The following XYLT2 variants were observed in gnomAD, a reference collection of about 807,000 sequenced individuals.
XYLT2 encodes xylosyltransferase 2.
XYLT2 carries 37 observed loss-of-function variants against 82.6 expected under a neutral mutation model. The ratio of observed to expected loss-of-function variants is 0.45; its 90% CI spans 0.34 to 0.59. XYLT2 has a LOEUF of 0.59. XYLT2 is among the 20% of genes least tolerant of loss of function. The pLI, the probability that XYLT2 is intolerant of heterozygous loss-of-function variation, is 0.01. For missense variants in XYLT2, 934 were observed against 1,181.3 expected, an observed-to-expected ratio of 0.79 and a Z score of 3.07; for synonymous variants, 474 against 499.0, an observed-to-expected ratio of 0.95 and a Z score of 0.67.
Position 50,354,897 on chromosome 17 carries a change from G to A in XYLT2, c.848G>A (p.Gly283Asp), listed in dbSNP as rs752293943. Residue 283 changes from glycine (G) to aspartate (D), a missense_variant, in exon 4 of 11, where the codon GGC (glycine) becomes GAC (aspartate). Coordinates refer to ENST00000017003, the MANE Select transcript of XYLT2 (RefSeq NM_022167.4). ...LHREVVELAQGYDNVRVTPWR... is the reference protein window; with the variant it reads ...LHREVVELAQDYDNVRVTPWR... ...CGGGAGGTGGTGGAGCTGGCCCAGG[G>A]CTATGATAACGTGCGGGTGACGCCC... 5 of 1,612,062 alleles carry A rather than the reference G, an allele frequency of 3.1e-6. No homozygotes were observed. The highest frequency in any genetic ancestry group is 1.7e-6 in the Non-Finnish European group (2 of 1,179,122).
chr17:50,346,913 A>G lies in XYLT2; in HGVS notation c.135+638A>G. 1.0e-6 allele frequency: 1 copy of G among 985,348 alleles called. No homozygotes were observed. Among genetic ancestry groups the G allele is most frequent in the Non-Finnish European group, 1.2e-6 (1 of 829,888 alleles). The allele number at this position is 985,348 out of a possible 1,614,324, so 61.0% of individuals were successfully genotyped here. A position where few individuals can be genotyped will look rare whatever the true frequency, so the allele number is the denominator to read the frequency against. ...GAACCTGGATGGGTCTCCGGAGGGC[A>G]GGGAGAGGAGGAACTGAGCTGGTGA... is the stretch of plus-strand genomic sequence containing the variant. On this transcript the variant is annotated intron_variant, in intron 1 of 10. Coordinates refer to ENST00000017003, the MANE Select transcript of XYLT2 (RefSeq NM_022167.4). This position sits in a 1 kb window ranked among gnomAD's most constrained non-coding sequence, Gnocchi z 5.1.
chr17:50,351,293 G>A (rs141631675), intron 1 of XYLT2, among the ~76,000 whole-genome samples: 3 of 152,266 alleles, frequency 2.0e-5, no homozygotes, highest in East Asian at 1.9e-4. Context: ...AGGTGGCCCC[G>A]ATGGGATTTA....
chr17:50,360,504 G>T lies in XYLT2; in HGVS notation c.*213G>T. ...CAGAGGGCTGGCGGGAACGCGAGAA[G>T]GGCACCAGCAGCATTCCACACCCAG... On this transcript the variant is annotated 3_prime_UTR_variant, in exon 11 of 11. Transcript: ENST00000017003. 1 of 1,285,446 alleles carries T rather than the reference G, an allele frequency of 7.8e-7. No individual in the cohort carries two copies. Among genetic ancestry groups the T allele is most frequent in the South Asian group, 2.8e-5 (1 of 35,282 alleles). The allele number at this position is 1,285,446 out of a possible 1,614,324, so 79.6% of individuals were successfully genotyped here. A position where few individuals can be genotyped will look rare whatever the true frequency, so the allele number is the denominator to read the frequency against.
chr17:50,355,604 C>A lies in XYLT2; in HGVS notation c.1088+23C>A, dbSNP rs746287931. On this transcript the variant is annotated intron_variant, in intron 5 of 10. Transcript: ENST00000017003. ...CAGGTGAGGGGGTGGGGAAGGAGGC[C>A]CTGGCCCCAGAGTCTTGTCCCAACC... is the stretch of plus-strand genomic sequence containing the variant. 9 of 1,613,572 alleles carry A rather than the reference C, an allele frequency of 5.6e-6. No individual in the cohort carries two copies. The South Asian group carries it at 9.9e-5, about 18-fold the overall frequency.
At chr17:50,352,253 T>C (rs951016531) in intron 1 of XYLT2, among the ~76,000 whole-genome samples, 3 of 152,094 alleles carry the variant, frequency 2.0e-5, no homozygotes, top group African/African-American at 7.2e-5. Flanking sequence ...TCAGAGAAGT[T>C]AGGGAACTGC....
At position 50,346,372 on chromosome 17, in the gene XYLT2, G is replaced by A; in HGVS notation, c.135+97G>A. On this transcript the variant is annotated intron_variant, in intron 1 of 10. Coordinates refer to ENST00000017003, the MANE Select transcript of XYLT2 (RefSeq NM_022167.4). This position sits in a 1 kb window ranked among gnomAD's most constrained non-coding sequence, Gnocchi z 5.1. ...GCCCCAGCCGGGGAAGTGGGGCACG[G>A]GCCGCGTGCGTGCGTGCGGGGCGCC... is the stretch of plus-strand genomic sequence containing the variant. The A allele has an allele frequency of 1.0e-6, 1 of 984,770 alleles. No individual in the cohort carries two copies. Among genetic ancestry groups the A allele is most frequent in the Non-Finnish European group, 1.2e-6 (1 of 828,746 alleles). The allele number at this position is 984,770 out of a possible 1,614,324, so 61.0% of individuals were successfully genotyped here. A position where few individuals can be genotyped will look rare whatever the true frequency, so the allele number is the denominator to read the frequency against.
At chr17:50,349,577 T>A (rs1912170164) in intron 1 of XYLT2, among the ~76,000 whole-genome samples, 1 of 151,962 alleles carries the variant, frequency 6.6e-6, no homozygotes, top group South Asian at 2.1e-4. Context: ...AGCAAGACTA[T>A]CTCTATTAAA....
Position 50,358,437 on chromosome 17 carries a change from AG to A in XYLT2, c.2175del (p.Trp727GlyfsTer22). 6.2e-7 allele frequency: 1 copy of A among 1,614,156 alleles called. No homozygotes were observed. The highest frequency in any genetic ancestry group is 8.5e-7 in the Non-Finnish European group (1 of 1,180,034). ...CCCCACTGAGCCGGCCCCTGCGGCC[AG>A]GGCCCTGGACTGTTCGACTCCTTCA... ...KPPLSRPLRP[G>X]PWTVRLLQFW... On this transcript the variant is annotated frameshift_variant, in exon 10 of 11. Coordinates refer to ENST00000017003, the MANE Select transcript of XYLT2 (RefSeq NM_022167.4). LOFTEE classifies it high-confidence loss of function.
intron 1 of XYLT2, among the ~76,000 whole-genome samples, chr17:50,351,864 A>C (rs1322361170): frequency 1.3e-5 from 2 of 152,184 alleles, no homozygotes; most frequent in Admixed American, 6.5e-5. Flanking sequence ...AGAGAGGTCA[A>C]TCTGAGATTT....
At position 50,360,083 on chromosome 17, in the gene XYLT2, C is replaced by A; in HGVS notation, c.2390C>A (p.Ala797Asp). 1 of 1,613,932 alleles carries A rather than the reference C, an allele frequency of 6.2e-7. No individual in the cohort carries two copies. The highest frequency in any genetic ancestry group is 8.5e-7 in the Non-Finnish European group (1 of 1,179,960). Residue 797 changes from alanine (A) to aspartate (D), a missense_variant, in exon 11 of 11, where the codon GCC (alanine) becomes GAC (aspartate). Coordinates refer to ENST00000017003, the MANE Select transcript of XYLT2 (RefSeq NM_022167.4). ...CAGCCGGAGCTCGCGGAGGAGGCTG[C>A]CCAGCGGCACACACAGCTCACAGGC... ...LPQPELAEEA[A>D]QRHTQLTGPA...
intron 9 of XYLT2, 93 bp from the exon 10 acceptor site, chr17:50,358,114 G>C (rs1260399106): frequency 8.4e-7 from 1 of 1,194,160 alleles, no homozygotes; most frequent in African/African-American, 1.5e-5. Flanking sequence ...AAGAGACAGT[G>C]ACTGGCCTGA....
In XYLT2 at chr17:50,356,647, C is replaced by T. The variant is rs151294421; in HGVS notation, c.1619C>T (p.Thr540Ile). 6.9e-4 allele frequency: 1,118 copies of T among 1,614,112 alleles called. 4 individuals are homozygous for T. The African/African-American group carries it at 0.012, about 17-fold the overall frequency. The change falls in exon 8 of 11, where the codon ACC (threonine) becomes ATC (isoleucine). Residue 540 changes from threonine (T) to isoleucine (I), a missense_variant. Physicochemically the swap from Thr to Ile is moderately conservative, Grantham distance 89. Coordinates refer to ENST00000017003, the MANE Select transcript of XYLT2 (RefSeq NM_022167.4). ...GCCCTCAAGGCCTACTGGGAGAACA[C>T]CTACGACGCGGCTGATGGCCCCAGT... ...TPALKAYWEN[T>I]YDAADGPSGL... is the part of the protein sequence containing the mutation.
intron 10 of XYLT2, chr17:50,359,658 T>C (rs1912715629): frequency 5.6e-6 from 2 of 360,172 alleles, no homozygotes; most frequent in Admixed American, 4.4e-5. Flanking sequence ...TTCTGAGGGC[T>C]CTAGGAGCCA....
intron 4 of XYLT2, 101 bp from the exon 5 acceptor site, chr17:50,355,400 A>G (rs1027150284): frequency 2.3e-6 from 3 of 1,317,486 alleles, no homozygotes; most frequent in African/African-American, 1.4e-5. Flanking sequence ...GCACATGGCC[A>G]GCCAGCAATC....
chr17:50,353,767 C>T lies in XYLT2; in HGVS notation c.273C>T (p.Pro91=), dbSNP rs537844860. 8.5e-5 allele frequency: 132 copies of T among 1,559,396 alleles called. 1 individual carries two copies. The South Asian group carries it at 1.1e-3, about 13-fold the overall frequency. Residue 91 remains proline, a synonymous_variant, in exon 2 of 11, where the codon CCC becomes CCT. Transcript: ENST00000017003. The part of the protein sequence containing the change: ...WRGRAESPGV[P]VAKVVRAVTS... ...GCCGTGCTGAGAGCCCAGGAGTGCC[C>T]GTGGCCAAGGTGGTACGGGCAGTAA... is the stretch of plus-strand genomic sequence containing the variant.
chr17:50,358,155 GGGA>G, intron 9 of XYLT2, 49 bp from the exon 10 acceptor site: 1 of 1,481,350 alleles, frequency 6.8e-7, no homozygotes, highest in Non-Finnish European at 9.1e-7. Context: ...CTTCAGAGGA[GGGA>G]GAAGGACCTT....
Position 50,346,695 on chromosome 17 carries a change from T to G in XYLT2, c.135+420T>G, listed in dbSNP as rs1912058489. 2.0e-6 allele frequency: 2 copies of G among 983,956 alleles called. No individual in the cohort carries two copies. Among genetic ancestry groups the G allele is most frequent in the African/African-American group, 1.8e-5 (1 of 56,720 alleles). The allele number at this position is 983,956 out of a possible 1,614,324, so 61.0% of individuals were successfully genotyped here. A position where few individuals can be genotyped will look rare whatever the true frequency, so the allele number is the denominator to read the frequency against. On this transcript the variant is annotated intron_variant, in intron 1 of 10. Coordinates refer to ENST00000017003, the MANE Select transcript of XYLT2 (RefSeq NM_022167.4). The surrounding 1 kb of genome is among the most constrained non-coding windows in gnomAD (Gnocchi z 5.1). ...GATATGCGCGCCGTGGGCGGAGGAGTAGGGCCAAGGGACTCAGGGCGTCCT... is the reference window on the plus strand; with the variant it reads ...GATATGCGCGCCGTGGGCGGAGGAGGAGGGCCAAGGGACTCAGGGCGTCCT...
chr17:50,356,417 G>A (rs946970671), intron 7 of XYLT2, 94 bp from the exon 8 acceptor site: 1 of 1,556,782 alleles, frequency 6.4e-7, no homozygotes, highest in Non-Finnish European at 8.7e-7. Flanking sequence ...AAAAGCCGCA[G>A]GAGGCTGAGC....
At chr17:50,354,734 G>A (rs1173958110) in intron 3 of XYLT2, 120 bp from the exon 4 acceptor site, 43 of 1,531,852 alleles carry the variant, frequency 2.8e-5, no homozygotes, top group African/African-American at 5.4e-5. Flanking sequence ...CAGCTCAGCC[G>A]CTTAGGGGCT....
Sources: gnomAD v4.1 joint callset for allele counts (sites outside exome capture counted in the v4.1 genomes callset) on GRCh38, gnomAD v4.1.1 for gene constraint, Gnocchi (gnomAD v3.1) non-coding constraint, MANE v1.5 for transcripts, NCBI Gene and HGNC (gene_info 2026-07-23, HGNC 2026-07-21) for gene names.